Variants in CEL observed in about 807,000 individuals in gnomAD.
CEL encodes the protein carboxyl ester lipase, also known as bile salt-activated lipase.
A neutral mutation model predicts 57.1 loss-of-function variants in CEL; 39 were observed. The observed-to-expected ratio is 0.68, with a 90% confidence interval of 0.53 to 0.89. The LOEUF (loss-of-function observed/expected upper bound fraction) is 0.89. CEL is among the 40% of genes least tolerant of loss of function. The probability of loss-of-function intolerance (pLI) is 0.00; values close to 1 mark genes in which losing one functional copy is unlikely to be tolerated. For synonymous variants in CEL, 314 were observed against 396.6 expected (o/e 0.79, Z 2.48); for missense variants, 698 against 915.0 (o/e 0.76, Z 3.06).
At chr9:133,064,311 C>A in intron 1 of CEL, 93 bp from the exon 2 acceptor site, 4 of 1,565,092 alleles carry the variant, frequency 2.6e-6, no homozygotes, top group Non-Finnish European at 3.5e-6. Flanking sequence ...CTGTCTTTGC[C>A]TCTGGGCACG....
At chr9:133,065,336 G>T (rs1830161681) in intron 4 of CEL, 99 bp downstream of exon 4, 4 of 1,387,032 alleles carry the variant, frequency 2.9e-6, no homozygotes, top group Admixed American at 1.7e-5. Context: ...ACCAGTGGCG[G>T]TTCACAGAAA....
At chr9:133,068,522 G>A in intron 7 of CEL, 150 bp from the exon 8 acceptor site, 1 of 736,782 alleles carries the variant, frequency 1.4e-6, no homozygotes, top group Non-Finnish European at 2.2e-6. Flanking sequence ...GGCACAGGAT[G>A]CCCCTGATGG....
chr9:133,068,477 G>A (rs1423779202), intron 7 of CEL, among the ~76,000 whole-genome samples, 195 bp from the exon 8 acceptor site: 1 of 151,722 alleles, frequency 6.6e-6, no homozygotes, highest in Non-Finnish European at 1.5e-5. Context: ...GGCACCTCGT[G>A]GGTCGAGGCC....
At chr9:133,067,023 C>A in intron 6 of CEL, 65 bp from the exon 7 acceptor site, 8 of 1,607,676 alleles carry the variant, frequency 5.0e-6, no homozygotes, top group Non-Finnish European at 3.4e-6. Flanking sequence ...CCATCCTTGC[C>A]TTCAAATGGT....
intron 4 of CEL, among the ~76,000 whole-genome samples, chr9:133,065,858 A>G (rs1564211126): frequency 6.6e-6 from 1 of 151,278 alleles, no homozygotes; most frequent in African/African-American, 2.4e-5. Context: ...AAAAAAAAAA[A>G]AAAAAAAAAA....
In CEL at chr9:133,064,788, G is replaced by A. The variant is rs371713799; in HGVS notation, c.340+26G>A. The A allele has an allele frequency of 1.2e-5, 19 of 1,613,500 alleles. No homozygotes were observed. In the South Asian group the frequency reaches 1.6e-4, roughly 14 times the overall value. On this transcript the variant is annotated intron_variant, in intron 3 of 10. Transcript: ENST00000372080. ...GTCTGCCTCCCCTCTACTCCCCAAGGGACCCTCCCATGCAGCCACTGCCCC... is the reference window on the plus strand; with the variant it reads ...GTCTGCCTCCCCTCTACTCCCCAAGAGACCCTCCCATGCAGCCACTGCCCC...
chr9:133,065,846 C>CAAAA lies in CEL; in HGVS notation c.538+629_538+632dup, dbSNP rs34365056. Reference sequence around the variant, plus strand: ...GGAGAACAAGAGTAAAACTCTGTCTCAAAAAAAAAAAAAAAAAAAAAAATA... The same window carrying CAAAA: ...GGAGAACAAGAGTAAAACTCTGTCTCAAAAAAAAAAAAAAAAAAAAAAAAAAATA... On this transcript the variant is annotated intron_variant, in intron 4 of 10. Coordinates refer to ENST00000372080, the MANE Select transcript of CEL (RefSeq NM_001807.6). 2.4e-4 allele frequency among the ~76,000 whole-genome samples: 18 copies of CAAAA among 75,828 alleles called. No homozygotes were observed. The South Asian group carries it at 7.2e-3, about 30-fold the overall frequency. The allele number at this position is 75,828 out of a possible 152,430, so 49.7% of individuals were successfully genotyped here. A position where few individuals can be genotyped will look rare whatever the true frequency, so the allele number is the denominator to read the frequency against.
intron 7 of CEL, 118 bp downstream of exon 7, chr9:133,067,323 C>A: frequency 1.1e-6 from 1 of 913,830 alleles, no homozygotes; most frequent in Non-Finnish European, 1.7e-6. Flanking sequence ...GTCCTGTCAC[C>A]AACTAGCTGG....
chr9:133,064,275 C>T lies in CEL; in HGVS notation c.67-129C>T, dbSNP rs555180836. The T allele has an allele frequency of 3.8e-4, 473 of 1,250,614 alleles. 2 individuals carry two copies. In the African/African-American group the frequency reaches 6.5e-3, roughly 17 times the overall value. The allele number at this position is 1,250,614 out of a possible 1,614,324, so 77.5% of individuals were successfully genotyped here. A position where few individuals can be genotyped will look rare whatever the true frequency, so the allele number is the denominator to read the frequency against. On this transcript the variant is annotated intron_variant, in intron 1 of 10. Coordinates refer to ENST00000372080, the MANE Select transcript of CEL (RefSeq NM_001807.6). ...GGGCAGGGGGTGCTGCCTGGGTCTCCTGTGCAGAGCTGTCCTGCTTTGAAG... is the reference window on the plus strand; with the variant it reads ...GGGCAGGGGGTGCTGCCTGGGTCTCTTGTGCAGAGCTGTCCTGCTTTGAAG...
chr9:133,065,846 C>CA (rs34365056), intron 4 of CEL, among the ~76,000 whole-genome samples: 25,020 of 75,448 alleles, frequency 0.33, 3,984 homozygotes, highest in Non-Finnish European at 0.41. Flanking sequence ...AACTCTGTCT[C>CA]AAAAAAAAAA....
intron 1 of CEL, among the ~76,000 whole-genome samples, chr9:133,063,793 G>T (rs1311533420): frequency 1.3e-5 from 2 of 152,066 alleles, no homozygotes; most frequent in African/African-American, 4.8e-5. Context: ...GGGGTGGGAG[G>T]TGTGGTCCCT....
chr9:133,064,905 C>T (rs374972954), intron 3 of CEL, 135 bp from the exon 4 acceptor site: 18 of 1,542,256 alleles, frequency 1.2e-5, no homozygotes, highest in Non-Finnish European at 1.6e-5. Flanking sequence ...CTGCCGTTGC[C>T]CAGCCTGGGG....
rs773233109 is a variant in CEL at position 133,070,970 on chromosome 9, C to T, written c.1485-17C>T. ...TGGGAGTCCCCAGCCCCTGCACAGC[C>T]TCTTCTCACTCTGCAGGGACCCCAA... On this transcript the variant is annotated splice_polypyrimidine_tract_variant and intron_variant, in intron 10 of 10. Coordinates refer to ENST00000372080, the MANE Select transcript of CEL (RefSeq NM_001807.6). The T allele has an allele frequency of 1.2e-6, 2 of 1,612,926 alleles. No individual in the cohort carries two copies. Among genetic ancestry groups the T allele is most frequent in the Non-Finnish European group, 1.7e-6 (2 of 1,179,660 alleles).
intron 9 of CEL, 41 bp from the exon 10 acceptor site, chr9:133,070,420 C>G: frequency 6.4e-7 from 1 of 1,563,882 alleles, no homozygotes. Context: ...GATCGGTCCC[C>G]AGTGAGCACC....
rs374212149 is a variant in CEL at position 133,065,098 on chromosome 9, C to T, written c.399C>T (p.Ser133=). The change falls in exon 4 of 11, where the codon TCC becomes TCT. Residue 133 remains serine (S), a synonymous_variant. Transcript: ENST00000372080. ...ATGGAGGCGCCTTCCTCATGGGGTC[C>T]GGCCATGGGGCCAACTTCCTCAACA... The part of the protein sequence containing the change: ...WIYGGAFLMG[S]GHGANFLNNY... The T allele has an allele frequency of 4.6e-5, 75 of 1,613,842 alleles. No individual in the cohort carries two copies. The highest frequency in any genetic ancestry group is 1.2e-4 in the Admixed American group (7 of 60,012).
chr9:133,065,671 A>T (rs1378338315), intron 4 of CEL, among the ~76,000 whole-genome samples: 1 of 151,746 alleles, frequency 6.6e-6, no homozygotes, highest in Non-Finnish European at 1.5e-5. Flanking sequence ...AAATGGAGAA[A>T]CCTCTTCTCT....
Position 133,071,367 on chromosome 9 carries a change from G to T in CEL, c.1865G>T (p.Gly622Val). Residue 622 changes from glycine (G) to valine (V), a missense_variant, in exon 11 of 11, where the codon GGG (glycine) becomes GTG (valine). Around this residue, in one of 6 missense-constraint regions of CEL, gnomAD observed 238 missense variants for 213.7 expected, o/e 1.11. Transcript: ENST00000372080. ...APPVPPTGDSGAPPVPPTGDS... is the reference protein window; with the variant it reads ...APPVPPTGDSVAPPVPPTGDS... ...CCCGTGCCGCCCACGGGTGACTCCG[G>T]GGCCCCCCCCGTGCCGCCCACGGGT... The T allele has an allele frequency of 6.1e-5, 1 of 16,330 alleles. No individual in the cohort carries two copies. The highest frequency in any genetic ancestry group is 1.0e-4 in the Non-Finnish European group (1 of 9,956). The allele number at this position is 16,330 out of a possible 1,614,324, so 1.0% of individuals were successfully genotyped here.
Position 133,071,191 on chromosome 9 carries a change from A to G in CEL, c.1689A>G (p.Thr563=), listed in dbSNP as rs199941432. 685 of 1,601,484 alleles carry G rather than the reference A, an allele frequency of 4.3e-4. 3 individuals are homozygous for G. Among genetic ancestry groups the G allele is most frequent in the Non-Finnish European group, 4.2e-4 (494 of 1,176,838 alleles). Residue 563 remains threonine, a synonymous_variant, in exon 11 of 11, where the codon ACA becomes ACG. Transcript: ENST00000372080. ...TDQEATPVPP[T]GDSEATPVPP... Reference sequence around the variant, plus strand: ...AGGAGGCCACCCCTGTGCCCCCCACAGGGGACTCCGAGGCCACTCCCGTGC... The same window carrying G: ...AGGAGGCCACCCCTGTGCCCCCCACGGGGGACTCCGAGGCCACTCCCGTGC...
chr9:133,063,841 G>A (rs1041744924), intron 1 of CEL, among the ~76,000 whole-genome samples: 6 of 152,118 alleles, frequency 3.9e-5, no homozygotes, highest in African/African-American at 1.4e-4. Flanking sequence ...AGGAACTGTG[G>A]GGACTTGGGC....
Sources: allele counts gnomAD v4.1 joint callset (sites outside exome capture counted in the v4.1 genomes callset), GRCh38; gene constraint gnomAD v4.1.1; regional missense constraint gnomAD v4.1.1; transcripts MANE v1.5; gene names NCBI Gene and HGNC (gene_info 2026-07-23, HGNC 2026-07-21).